Variants in PBRM1 observed in about 807,000 individuals in gnomAD.
The protein encoded by PBRM1 is polybromo 1, also known as protein polybromo-1.
Under a neutral mutation model 194.5 loss-of-function variants are expected in PBRM1, and 27 were observed. That is an observed-to-expected ratio of 0.14 (90% CI 0.10 to 0.19). The LOEUF is 0.19. Ranked by LOEUF, PBRM1 falls within the 10% of genes least tolerant of loss-of-function variation. The probability of loss-of-function intolerance (pLI) is 1.00; values close to 1 mark genes in which losing one functional copy is unlikely to be tolerated. For missense variants in PBRM1, 1,466 were observed against 2,077.2 expected (o/e 0.71, Z 5.72); for synonymous variants, 655 against 693.2 (o/e 0.94, Z 0.87).
intron 27 of PBRM1, among the ~76,000 whole-genome samples, chr3:52,554,230 C>T (rs1027694653): frequency 5.9e-5 from 9 of 152,152 alleles, no homozygotes; most frequent in African/African-American, 2.2e-4. Context: ...CTCTGCAATC[C>T]CCTTAGAAAG....
At chr3:52,634,078 T>C (rs1338897020) in intron 11 of PBRM1, among the ~76,000 whole-genome samples, 2 of 152,278 alleles carry the variant, frequency 1.3e-5, no homozygotes, top group East Asian at 1.9e-4. Flanking sequence ...AGATTAACTG[T>C]CATAATTAAA....
At chr3:52,603,392 G>A (rs556680933) in intron 17 of PBRM1, 129 bp downstream of exon 19, 22 of 896,130 alleles carry the variant, frequency 2.5e-5, no homozygotes, top group Non-Finnish European at 2.1e-5. Flanking sequence ...ATCTCATTGC[G>A]TCTACTCTAA....
At chr3:52,589,357 T>C (rs748737028) in intron 17 of PBRM1, 102 bp from the exon 20 acceptor site, 35 of 633,372 alleles carry the variant, frequency 5.5e-5, no homozygotes, top group Middle Eastern at 4.5e-4. Context: ...ATACATTTAA[T>C]ACATTTAATT....
rs1189799123 is a variant in PBRM1 at position 52,643,212 on chromosome 3, C to T, written c.995+36G>A. On this transcript the variant is annotated intron_variant, in intron 9 of 29. Coordinates refer to ENST00000296302, the Ensembl canonical transcript of PBRM1. The stretch of plus-strand genomic sequence containing the variant: ...ACTAGTATGCCTATCTTTATAAGCA[C>T]AGGTCAACTCTCAGACTAAACACTC... 2.1e-6 allele frequency: 3 copies of T among 1,408,010 alleles called. No individual in the cohort carries two copies. In the East Asian group the frequency reaches 6.8e-5, roughly 32 times the overall value. The allele number at this position is 1,408,010 out of a possible 1,614,324, so 87.2% of individuals were successfully genotyped here.
exon 20 of PBRM1, chr3:52,586,626 C>T (rs751827378): frequency 1.2e-6 from 2 of 1,613,254 alleles, no homozygotes; most frequent in South Asian, 1.1e-5. Flanking sequence ...TGGCAGAATA[C>T]CGTGATTCAC....
intron 13 of PBRM1, 43 bp downstream of exon 14, chr3:52,627,230 T>G: frequency 9.2e-7 from 1 of 1,082,326 alleles, no homozygotes; most frequent in Non-Finnish European, 1.4e-6. Flanking sequence ...AAAACAAAAT[T>G]AACAGGAACT....
chr3:52,642,913 A>G (rs1017636972), intron 9 of PBRM1, among the ~76,000 whole-genome samples: 10 of 151,784 alleles, frequency 6.6e-5, no homozygotes, highest in Non-Finnish European at 1.0e-4. Context: ...CAGCCTCCCA[A>G]GTAGCTGGGA....
chr3:52,586,235 G>C (rs1443094923), intron 20 of PBRM1, 190 bp downstream of exon 22: 7 of 534,864 alleles, frequency 1.3e-5, no homozygotes, highest in South Asian at 2.7e-5. Flanking sequence ...CACTTGGCCT[G>C]ATTTACTTTT....
chr3:52,617,271 C>G (rs2095017255), exon 14 of PBRM1: 1 of 1,613,224 alleles, frequency 6.2e-7, no homozygotes, highest in African/African-American at 1.3e-5. Flanking sequence ...CCTGGGAGCC[C>G]TCCTCATTAT....
chr3:52,633,853 G>GT (rs566804223), intron 11 of PBRM1, among the ~76,000 whole-genome samples: 18 of 150,776 alleles, frequency 1.2e-4, no homozygotes, highest in South Asian at 4.2e-4. Flanking sequence ...TCTGAATTGG[G>GT]TTTTTTTTTG....
In PBRM1 at chr3:52,609,403, C is replaced by T; in HGVS notation, c.2477G>A (p.Arg826Lys). 2 of 1,613,676 alleles carry T rather than the reference C, an allele frequency of 1.2e-6. No individual in the cohort carries two copies. Among genetic ancestry groups the T allele is most frequent in the South Asian group, 1.1e-5 (1 of 91,080 alleles). Residue 826 changes from arginine to lysine, a missense_variant, in exon 16 of 30, where the codon AGG becomes AAG. By Grantham distance (26) the Arg-to-Lys change is conservative. This residue lies in a region of PBRM1 where 687 missense variants were observed against 946.2 expected (regional missense o/e 0.73). Coordinates refer to ENST00000296302, the Ensembl canonical transcript of PBRM1. The surrounding 1 kb of genome is among the most constrained non-coding windows in gnomAD (Gnocchi z 4.1). ...GTAGCGATTATTTTCAACATTCTTC[C>T]TAATTATGTCAAATGTAAGGGGTGG...
exon 28 of PBRM1, chr3:52,550,779 G>A: frequency 6.2e-7 from 1 of 1,612,046 alleles, no homozygotes; most frequent in Non-Finnish European, 8.5e-7. Flanking sequence ...CCTGGTGCTG[G>A]AGTCCCTACC....
At chr3:52,644,299 C>T (rs1011145595) in intron 8 of PBRM1, among the ~76,000 whole-genome samples, 1 of 152,088 alleles carries the variant, frequency 6.6e-6, no homozygotes, top group Non-Finnish European at 1.5e-5. Context: ...GTAAGTATCA[C>T]CTTGAAATGC....
intron 14 of PBRM1, among the ~76,000 whole-genome samples, chr3:52,616,973 T>C (rs1020330755): frequency 6.6e-6 from 1 of 152,184 alleles, no homozygotes; most frequent in Non-Finnish European, 1.5e-5. Flanking sequence ...AGTACTATTA[T>C]TAGCCCTAAT....
chr3:52,662,840 A>T (rs575660630), intron 3 of PBRM1, among the ~76,000 whole-genome samples: 228 of 151,422 alleles, frequency 1.5e-3, no homozygotes, highest in African/African-American at 5.1e-3. Context: ...AAAAAAAAAA[A>T]ACACCAAAAA....
downstream of PBRM1, chr3:52,546,119 G>GC (rs1324944020): frequency 4.3e-6 from 1 of 232,356 alleles, no homozygotes; most frequent in East Asian, 6.1e-5. Flanking sequence ...GACCCACGTG[G>GC]CCCCCAGTGA....
At chr3:52,596,497 G>GCCTACTA (rs925020068) in intron 17 of PBRM1, among the ~76,000 whole-genome samples, 4 of 135,898 alleles carry the variant, frequency 2.9e-5, no homozygotes, top group Non-Finnish European at 6.1e-5. Flanking sequence ...TATCCTACAG[G>GCCTACTA]CCTACTACCT....
intron 21 of PBRM1, 51 bp from the exon 24 acceptor site, chr3:52,576,749 G>A (rs1310597304): frequency 6.3e-6 from 9 of 1,421,720 alleles, no homozygotes; most frequent in African/African-American, 1.4e-5. Context: ...CTTCTTGAAG[G>A]ATTAATCTAA....
At chr3:52,554,961 C>A in intron 26 of PBRM1, 82 bp from the exon 29 acceptor site, 1 of 1,099,366 alleles carries the variant, frequency 9.1e-7, no homozygotes, top group Admixed American at 2.1e-5. Context: ...CCCACATGCA[C>A]TACCAATGAA....
Sources: gnomAD v4.1 joint callset for allele counts (sites outside exome capture counted in the v4.1 genomes callset) on GRCh38, gnomAD v4.1.1 for gene constraint, gnomAD v4.1.1 regional missense constraint, Gnocchi (gnomAD v3.1) non-coding constraint, MANE v1.5 for transcripts, NCBI Gene and HGNC (gene_info 2026-07-23, HGNC 2026-07-21) for gene names.